The following SAXO1 variants were observed in gnomAD, a reference collection of about 807,000 sequenced individuals.
SAXO1 encodes the protein stabilizer of axonemal microtubules 1, also known as 4930500O09Rik.
Under a neutral mutation model 17.5 loss-of-function variants are expected in SAXO1, and 21 were observed. The observed-to-expected ratio is 1.20, with a 90% CI of 0.85 to 1.72. The LOEUF is 1.72. SAXO1 is among the 40% of genes most tolerant of loss of function. The probability of loss-of-function intolerance (pLI) is 0.00; values close to 1 mark genes in which losing one functional copy is unlikely to be tolerated. For synonymous variants in SAXO1, 274 were observed against 216.5 expected (o/e 1.27, Z -2.33); for missense variants, 843 against 596.0 (o/e 1.41, Z -4.32).
intron 1 of SAXO1, among the ~76,000 whole-genome samples, chr9:18,984,312 C>T (rs1358603683): frequency 6.6e-5 from 10 of 152,204 alleles, no homozygotes; most frequent in African/African-American, 1.7e-4. Flanking sequence ...CAGCTACATT[C>T]GCCCCTAACA....
At chr9:18,963,734 GCAAA>G (rs1445638155) in intron 1 of SAXO1, among the ~76,000 whole-genome samples, 2 of 152,146 alleles carry the variant, frequency 1.3e-5, no homozygotes, top group Non-Finnish European at 2.9e-5. Flanking sequence ...CATGTCAACT[GCAAA>G]CAGAGACAAT....
intron 1 of SAXO1, among the ~76,000 whole-genome samples, chr9:18,980,036 G>A (rs73431271): frequency 0.02 from 3,013 of 152,274 alleles, 98 homozygotes; most frequent in African/African-American, 0.068. Context: ...TTCTGAAACG[G>A]GGTGTTTAGA....
At chr9:19,002,158 A>C (rs1337127210) in intron 1 of SAXO1, among the ~76,000 whole-genome samples, 1 of 152,222 alleles carries the variant, frequency 6.6e-6, no homozygotes, top group Admixed American at 6.5e-5. Context: ...GAAATCGATA[A>C]ATTCCTGGAC....
intron 1 of SAXO1, among the ~76,000 whole-genome samples, chr9:18,960,934 G>T (rs1832458459): frequency 6.6e-6 from 1 of 151,974 alleles, no homozygotes; most frequent in African/African-American, 2.4e-5. Context: ...AGGGTGAAGG[G>T]GCATGCAGAA....
At chr9:18,990,200 T>A (rs1224749305) in intron 1 of SAXO1, among the ~76,000 whole-genome samples, 1 of 150,028 alleles carries the variant, frequency 6.7e-6, no homozygotes, top group African/African-American at 2.5e-5. Flanking sequence ...AACTACCAAA[T>A]AATCCACACC....
At chr9:18,972,666 T>G (rs1157437981) in intron 1 of SAXO1, among the ~76,000 whole-genome samples, 2 of 152,142 alleles carry the variant, frequency 1.3e-5, no homozygotes, top group Non-Finnish European at 2.9e-5. Context: ...CAAGAGGAAA[T>G]GGACCTGGAG....
intron 2 of SAXO1, among the ~76,000 whole-genome samples, chr9:18,950,454 T>G (rs916616506): frequency 6.6e-6 from 1 of 152,096 alleles, no homozygotes. Flanking sequence ...ACTCTTTCCA[T>G]CCCTTAAATA....
intron 1 of SAXO1, among the ~76,000 whole-genome samples, chr9:18,951,372 G>C (rs1000667887): frequency 6.6e-6 from 1 of 152,158 alleles, no homozygotes; most frequent in Non-Finnish European, 1.5e-5. Context: ...GGGCCAGCCA[G>C]TGTCTTTTGT....
intron 1 of SAXO1, among the ~76,000 whole-genome samples, chr9:19,022,571 A>G (rs1466574111): frequency 6.6e-6 from 1 of 152,212 alleles, no homozygotes; most frequent in Non-Finnish European, 1.5e-5. Flanking sequence ...TTGAAAGAGA[A>G]ATTGGACCAT....
intron 1 of SAXO1, among the ~76,000 whole-genome samples, chr9:18,961,543 T>G (rs1351772369): frequency 6.6e-6 from 1 of 151,870 alleles, no homozygotes; most frequent in Non-Finnish European, 1.5e-5. Context: ...TGTGTCCATG[T>G]GTTCTCATTG....
intron 1 of SAXO1, among the ~76,000 whole-genome samples, chr9:18,999,233 C>A (rs1366727076): frequency 6.6e-6 from 1 of 152,232 alleles, no homozygotes; most frequent in East Asian, 1.9e-4. Context: ...AAGACACACA[C>A]AGGCTTAAAA....
At chr9:18,992,772 C>G (rs1448993456) in intron 1 of SAXO1, among the ~76,000 whole-genome samples, 2 of 105,260 alleles carry the variant, frequency 1.9e-5, no homozygotes, top group Non-Finnish European at 4.8e-5. Flanking sequence ...GACTTAAGAG[C>G]TATTTTTTTT....
chr9:19,033,109 G>T lies in SAXO1; in HGVS notation c.-201C>A. The T allele has an allele frequency of 1.9e-6, 1 of 517,742 alleles. No homozygotes were observed. Among genetic ancestry groups the T allele is most frequent in the Non-Finnish European group, 3.3e-6 (1 of 300,802 alleles). The allele number at this position is 517,742 out of a possible 1,614,324, so 32.1% of individuals were successfully genotyped here. On this transcript the variant is annotated 5_prime_UTR_variant, in exon 1 of 4. Coordinates refer to ENST00000380534, the MANE Select transcript of SAXO1 (RefSeq NM_153707.4). The stretch of plus-strand genomic sequence containing the variant: ...CCTGGAGCTGGCCTAGCGCGAGGTA[G>T]CAGCAGGGGGCTTGCACGCGCGCCA...
At chr9:18,990,826 C>G (rs376450044) in intron 1 of SAXO1, among the ~76,000 whole-genome samples, 101 of 152,308 alleles carry the variant, frequency 6.6e-4, no homozygotes, top group African/African-American at 2.2e-3. Context: ...AACCTAATGC[C>G]TGATGATGTG....
chr9:18,991,183 G>T (rs1348889462), intron 1 of SAXO1, among the ~76,000 whole-genome samples: 1 of 152,068 alleles, frequency 6.6e-6, no homozygotes, highest in Admixed American at 6.6e-5. Context: ...ACTTGAACCT[G>T]GGAGGCAGAG....
chr9:18,958,955 G>A (rs747372722), intron 1 of SAXO1, among the ~76,000 whole-genome samples: 3 of 152,152 alleles, frequency 2.0e-5, no homozygotes, highest in Non-Finnish European at 4.4e-5. Flanking sequence ...GACAAAAAGA[G>A]TAAGAAAACT....
chr9:18,957,770 G>A (rs73427297), intron 1 of SAXO1, among the ~76,000 whole-genome samples: 1,621 of 152,250 alleles, frequency 0.011, 28 homozygotes, highest in African/African-American at 0.034. Context: ...CTCTGGAATG[G>A]TGTTTTGTCT....
chr9:18,932,975 G>C (rs1436131830), intron 3 of SAXO1, among the ~76,000 whole-genome samples: 1 of 152,210 alleles, frequency 6.6e-6, no homozygotes, highest in Non-Finnish European at 1.5e-5. Context: ...AATAAAGACA[G>C]CTTCGCATTT....
At chr9:18,966,675 T>C (rs1280356132) in intron 1 of SAXO1, among the ~76,000 whole-genome samples, 1 of 152,204 alleles carries the variant, frequency 6.6e-6, no homozygotes, top group African/African-American at 2.4e-5. Flanking sequence ...TTCCTTGCAA[T>C]TGGGTAGGAA....
Sources: allele counts gnomAD v4.1 joint callset (sites outside exome capture counted in the v4.1 genomes callset), GRCh38; gene constraint gnomAD v4.1.1; transcripts MANE v1.5; gene names NCBI Gene and HGNC (gene_info 2026-07-23, HGNC 2026-07-21).